Variants in VSNL1 observed in about 807,000 individuals in gnomAD.
VSNL1 encodes the protein visinin like 1, also known as visinin-like protein 1.
Under a neutral mutation model 20.4 loss-of-function variants are expected in VSNL1, and 6 were observed. The observed-to-expected ratio is 0.29, with a 90% CI of 0.16 to 0.58. VSNL1 has a LOEUF of 0.58. VSNL1 is among the 20% of genes least tolerant of loss of function. The pLI is 0.90. For missense variants in VSNL1, 100 were observed against 234.5 expected, an observed-to-expected ratio of 0.43 and a Z score of 3.75; for synonymous variants, 93 against 86.4, an observed-to-expected ratio of 1.08 and a Z score of -0.42.
At position 17,565,901 on chromosome 2, in the gene VSNL1, T is replaced by C. The variant is rs190391385; in HGVS notation, c.-6+24983T>C. Among the ~76,000 whole-genome samples, 246 of 152,266 alleles carry C rather than the reference T, an allele frequency of 1.6e-3. 2 individuals are homozygous for C. The highest frequency in any genetic ancestry group is 1.9e-3 in the Non-Finnish European group (130 of 68,000). On this transcript the variant is annotated intron_variant, in intron 1 of 3. Transcript: ENST00000295156. ...GTGAGTCAGTTCTCATGAGATCTGCTGGTTTTATAAGGGTCTTCCTTGCTT... is the reference window on the plus strand; with the variant it reads ...GTGAGTCAGTTCTCATGAGATCTGCCGGTTTTATAAGGGTCTTCCTTGCTT...
intron 2 of VSNL1, among the ~76,000 whole-genome samples, chr2:17,612,513 A>G (rs932197000): frequency 6.6e-5 from 10 of 152,224 alleles, no homozygotes; most frequent in African/African-American, 2.4e-4. Flanking sequence ...GATCCCAGCT[A>G]TGACAAAGAG....
At chr2:17,610,691 C>G (rs1665063183) in intron 2 of VSNL1, among the ~76,000 whole-genome samples, 2 of 152,310 alleles carry the variant, frequency 1.3e-5, no homozygotes, top group South Asian at 2.1e-4. Flanking sequence ...TTTATCAGAA[C>G]AGCCCTGTTG....
chr2:17,643,608 AACC>A (rs894043184), intron 2 of VSNL1, among the ~76,000 whole-genome samples: 5 of 152,288 alleles, frequency 3.3e-5, no homozygotes, highest in Non-Finnish European at 7.4e-5. Context: ...GCAATGGCAA[AACC>A]AGGTCATTCT....
chr2:17,566,075 A>G (rs547334048), intron 1 of VSNL1, among the ~76,000 whole-genome samples: 148 of 152,344 alleles, frequency 9.7e-4, no homozygotes, highest in African/African-American at 3.5e-3. Flanking sequence ...TAAATTATCC[A>G]GTCCCTAGTA....
chr2:17,570,487 G>T (rs925514391), intron 1 of VSNL1, among the ~76,000 whole-genome samples: 1 of 152,134 alleles, frequency 6.6e-6, no homozygotes, highest in Non-Finnish European at 1.5e-5. Context: ...TTGGCATCAG[G>T]ATTTTTCTGA....
At chr2:17,572,616 C>T (rs904299741) in intron 1 of VSNL1, among the ~76,000 whole-genome samples, 4 of 152,198 alleles carry the variant, frequency 2.6e-5, no homozygotes, top group African/African-American at 9.7e-5. Context: ...CATGTTTAAT[C>T]TTCATGTAAG....
chr2:17,625,840 ATTTTTTTTTTTTT>A, intron 2 of VSNL1, among the ~76,000 whole-genome samples: 1 of 108,528 alleles, frequency 9.2e-6, no homozygotes, highest in East Asian at 2.6e-4. Flanking sequence ...TCCTTAGCTG[ATTTTTTTTTTTTT>A]TTTTTTTTTT....
At chr2:17,559,525 C>T (rs373371983) in intron 1 of VSNL1, among the ~76,000 whole-genome samples, 141 of 151,994 alleles carry the variant, frequency 9.3e-4, no homozygotes, top group Middle Eastern at 3.4e-3. Context: ...GGCTGGGCTT[C>T]GCTTCTAGCT....
At chr2:17,597,521 T>C (rs574435032) in intron 2 of VSNL1, among the ~76,000 whole-genome samples, 1 of 152,310 alleles carries the variant, frequency 6.6e-6, no homozygotes, top group African/African-American at 2.4e-5. Flanking sequence ...CAGGTGCACC[T>C]GAGACAGGTG....
intron 2 of VSNL1, among the ~76,000 whole-genome samples, chr2:17,611,828 T>C (rs190475547): frequency 2.0e-4 from 31 of 152,336 alleles, no homozygotes; most frequent in Admixed American, 2.0e-3. Context: ...AATTTATTAA[T>C]ATTAACATGT....
At chr2:17,588,062 C>A (rs1390851565) in intron 1 of VSNL1, among the ~76,000 whole-genome samples, 1 of 152,172 alleles carries the variant, frequency 6.6e-6, no homozygotes, top group Admixed American at 6.5e-5. Flanking sequence ...CTGAACTTCT[C>A]TGTATGACAA....
intron 2 of VSNL1, among the ~76,000 whole-genome samples, chr2:17,642,857 G>A (rs1026195204): frequency 7.2e-5 from 11 of 152,204 alleles, no homozygotes; most frequent in Admixed American, 6.5e-4. Flanking sequence ...GTAATTATAC[G>A]AGAATCACAG....
intron 1 of VSNL1, among the ~76,000 whole-genome samples, chr2:17,543,586 C>T (rs1410072396): frequency 3.3e-5 from 5 of 152,100 alleles, no homozygotes; most frequent in African/African-American, 1.2e-4. Context: ...AAGCCACCTG[C>T]GGAGAAGGGA....
intron 1 of VSNL1, among the ~76,000 whole-genome samples, chr2:17,545,584 A>G (rs1336165552): frequency 6.6e-6 from 1 of 152,134 alleles, no homozygotes; most frequent in Admixed American, 6.5e-5. Flanking sequence ...TGAGGGGACC[A>G]CATCATTGCA....
At chr2:17,601,272 T>C (rs923956928) in intron 2 of VSNL1, among the ~76,000 whole-genome samples, 5 of 152,194 alleles carry the variant, frequency 3.3e-5, no homozygotes, top group African/African-American at 1.2e-4. Context: ...GCTAGAAGGA[T>C]GTGCTGTCCC....
At chr2:17,555,659 T>C (rs902632762) in intron 1 of VSNL1, among the ~76,000 whole-genome samples, 2 of 152,272 alleles carry the variant, frequency 1.3e-5, no homozygotes, top group African/African-American at 4.8e-5. Flanking sequence ...CATTTATGTT[T>C]TAGTTTAAAT....
At chr2:17,591,741 G>A (rs1664597065) in intron 1 of VSNL1, among the ~76,000 whole-genome samples, 1 of 152,062 alleles carries the variant, frequency 6.6e-6, no homozygotes, top group Admixed American at 6.6e-5. Flanking sequence ...GTAATTTGTA[G>A]AAGGAAAAGA....
At chr2:17,569,783 T>C (rs1230439906) in intron 1 of VSNL1, among the ~76,000 whole-genome samples, 1 of 152,238 alleles carries the variant, frequency 6.6e-6, no homozygotes, top group Non-Finnish European at 1.5e-5. Flanking sequence ...AGTCTCTATT[T>C]TTAATTCTTT....
chr2:17,613,824 T>C (rs748271709), intron 2 of VSNL1, among the ~76,000 whole-genome samples: 13 of 152,182 alleles, frequency 8.5e-5, no homozygotes, highest in Non-Finnish European at 1.5e-4. Context: ...GAAATGTAAA[T>C]AGCTTCTTCC....
Sources: gnomAD v4.1 joint callset for allele counts (sites outside exome capture counted in the v4.1 genomes callset) on GRCh38, gnomAD v4.1.1 for gene constraint, MANE v1.5 for transcripts, NCBI Gene and HGNC (gene_info 2026-07-23, HGNC 2026-07-21) for gene names.